FEZ2: variants seen among roughly 807,000 people sequenced by gnomAD.
The protein encoded by FEZ2 is fasciculation and elongation protein zeta 2.
In FEZ2, 51 loss-of-function variants were observed where a neutral mutation model predicts 40.4. The observed-to-expected ratio is 1.26, with a 90% CI of 1.01 to 1.59. FEZ2 has a LOEUF of 1.59. FEZ2 is among the 40% of genes most tolerant of loss of function. FEZ2 has a pLI of 0.00. For missense variants in FEZ2, 640 were observed against 438.3 expected (o/e 1.46, Z -4.11); for synonymous variants, 242 against 172.0 (o/e 1.41, Z -3.18).
At chr2:36,596,373 G>A (rs939326435) in intron 1 of FEZ2, among the ~76,000 whole-genome samples, 1 of 152,158 alleles carries the variant, frequency 6.6e-6, no homozygotes, top group Non-Finnish European at 1.5e-5. Flanking sequence ...TTCCGTGCCC[G>A]TGACTCCTGT....
chr2:36,558,203 C>A (rs976988011), intron 6 of FEZ2: 13 of 314,552 alleles, frequency 4.1e-5, no homozygotes, highest in Non-Finnish European at 7.0e-5. Context: ...AATTTTAGCT[C>A]ATAAATATTT....
chr2:36,596,403 T>C (rs1383691853), intron 1 of FEZ2, among the ~76,000 whole-genome samples: 1 of 152,206 alleles, frequency 6.6e-6, no homozygotes, highest in Non-Finnish European at 1.5e-5. Flanking sequence ...CAAAAATTCT[T>C]CCCTAACCTC....
intron 2 of FEZ2, among the ~76,000 whole-genome samples, chr2:36,587,292 C>A (rs1372568702): frequency 1.3e-5 from 2 of 152,190 alleles, no homozygotes; most frequent in African/African-American, 4.8e-5. Context: ...ATGCTAAGAG[C>A]TGGAATATCT....
chr2:36,556,152 T>C, intron 6 of FEZ2: 2 of 405,720 alleles, frequency 4.9e-6, no homozygotes, highest in South Asian at 3.9e-5. Context: ...TCAAGCAAAC[T>C]AGAGAAACTC....
intron 2 of FEZ2, chr2:36,590,642 G>A (rs1573031696): frequency 2.6e-6 from 1 of 381,134 alleles, no homozygotes; most frequent in Non-Finnish European, 4.7e-6. Flanking sequence ...GGGCAACAGA[G>A]TGAGACTCCG....
intron 5 of FEZ2, among the ~76,000 whole-genome samples, chr2:36,570,015 A>AT (rs1668363203): frequency 6.6e-6 from 1 of 152,188 alleles, no homozygotes; most frequent in African/African-American, 2.4e-5. Context: ...CTTGAATATG[A>AT]TTTTCAAACA....
chr2:36,552,607 C>T lies in FEZ2; in HGVS notation c.*556G>A, dbSNP rs11885432. The stretch of plus-strand genomic sequence containing the variant: ...AGCAAGCTACAAAATCCATCACCAC[C>T]AACAGTTTCAATGTTAGCACTAAGT... On this transcript the variant is annotated 3_prime_UTR_variant, in exon 8 of 8. Coordinates refer to ENST00000405912, the MANE Select transcript of FEZ2 (RefSeq NM_005102.3). 773 of 239,560 alleles carry T rather than the reference C, an allele frequency of 3.2e-3. 3 individuals are homozygous for T. The highest frequency in any genetic ancestry group is 4.3e-3 in the Non-Finnish European group (524 of 120,622). The allele number at this position is 239,560 out of a possible 1,614,324, so 14.8% of individuals were successfully genotyped here. A position where few individuals can be genotyped will look rare whatever the true frequency, so the allele number is the denominator to read the frequency against.
At position 36,581,297 on chromosome 2, in the gene FEZ2, A is replaced by G. The variant is rs748741967; in HGVS notation, c.627T>C (p.Tyr209=). The G allele has an allele frequency of 3.7e-6, 6 of 1,613,748 alleles. No individual in the cohort carries two copies. The highest frequency in any genetic ancestry group is 2.2e-5 in the East Asian group (1 of 44,898). The part of the protein sequence containing the change: ...QTLKRSSTGS[Y]EERVKRLSVS... ...TTCAGCAGGCTCCCTTACTCTCTTC[A>G]TAACTGCCGGTACTAGACCTCTTGA... Residue 209 remains tyrosine (Y), a synonymous_variant, in exon 4 of 8, where the codon TAT becomes TAC. Transcript: ENST00000405912.
chr2:36,560,858 C>G (rs759395676), intron 5 of FEZ2: 1 of 1,607,964 alleles, frequency 6.2e-7, no homozygotes, highest in Non-Finnish European at 8.5e-7. Flanking sequence ...CCCTTCCATG[C>G]TGAAGCGCTA....
rs114831511 is a variant in FEZ2, at chr2:36,568,808, T to C, written c.903+9789A>G. Among the ~76,000 whole-genome samples, 1,414 of 152,338 alleles carry C rather than the reference T, an allele frequency of 9.3e-3. 34 individuals carry two copies. The highest frequency in any genetic ancestry group is 0.032 in the African/African-American group (1,333 of 41,566). On this transcript the variant is annotated intron_variant, in intron 5 of 7. Coordinates refer to ENST00000405912, the MANE Select transcript of FEZ2 (RefSeq NM_005102.3). ...TACTCACCACTGCCTCGTGGTTGTT[T>C]CCTTCCCTGGCATAAGTATGTATTG... is the stretch of plus-strand genomic sequence containing the variant.
chr2:36,597,039 A>T (rs1435382531), intron 1 of FEZ2, among the ~76,000 whole-genome samples: 4 of 152,006 alleles, frequency 2.6e-5, no homozygotes, highest in Non-Finnish European at 5.9e-5. Context: ...TGTAATTATT[A>T]ATATTACTTG....
intron 5 of FEZ2, among the ~76,000 whole-genome samples, chr2:36,577,973 A>G (rs996497820): frequency 2.6e-5 from 4 of 152,248 alleles, no homozygotes; most frequent in African/African-American, 9.6e-5. Flanking sequence ...GGAATACACA[A>G]GACTTCAACA....
At chr2:36,566,956 A>ACT (rs3841897) in intron 5 of FEZ2, among the ~76,000 whole-genome samples, 6,438 of 150,432 alleles carry the variant, frequency 0.043, 561 homozygotes, top group East Asian at 0.4. Context: ...ACACACACAC[A>ACT]CTCTCTCTCT....
intron 2 of FEZ2, among the ~76,000 whole-genome samples, chr2:36,588,009 A>C (rs1452112737): frequency 6.6e-6 from 1 of 151,860 alleles, no homozygotes; most frequent in Non-Finnish European, 1.5e-5. Flanking sequence ...TCATCTGCTG[A>C]GTTTTTCCAG....
chr2:36,579,118 A>C (rs1573019617), intron 4 of FEZ2: 1 of 421,398 alleles, frequency 2.4e-6, no homozygotes, highest in African/African-American at 2.0e-5. Context: ...GTCTAACAAA[A>C]GTTTTTACTT....
chr2:36,581,402 C>T lies in FEZ2; in HGVS notation c.522G>A (p.Gln174=). The change falls in exon 4 of 8, where the codon CAG becomes CAA. Residue 174 remains glutamine, a synonymous_variant. Transcript: ENST00000405912. The part of the protein sequence containing the change: ...QVIEEIEEMM[Q]ESPDPEDDET... ...CATCATCTTCTGGGTCCGGTGATTC[C>T]TGCATCATTTCTTCAATTTCTTCAA... 1 of 1,613,474 alleles carries T rather than the reference C, an allele frequency of 6.2e-7. No homozygotes were observed. Among genetic ancestry groups the T allele is most frequent in the South Asian group, 1.1e-5 (1 of 91,056 alleles).
intron 2 of FEZ2, among the ~76,000 whole-genome samples, chr2:36,586,286 T>C (rs907814263): frequency 2.6e-5 from 4 of 152,152 alleles, no homozygotes; most frequent in African/African-American, 9.7e-5. Flanking sequence ...TTGAGGACCA[T>C]GATTTTGTTT....
chr2:36,575,939 C>T (rs1289960365), intron 5 of FEZ2, among the ~76,000 whole-genome samples: 1 of 151,914 alleles, frequency 6.6e-6, no homozygotes, highest in Non-Finnish European at 1.5e-5. Context: ...ACTTCAAGTC[C>T]TGCTAATAAA....
chr2:36,594,137 G>A (rs1371741469), intron 1 of FEZ2, among the ~76,000 whole-genome samples: 1 of 151,962 alleles, frequency 6.6e-6, no homozygotes, highest in Non-Finnish European at 1.5e-5. Flanking sequence ...ACCTCAGCCT[G>A]GATTTTATTG....
Sources: allele counts gnomAD v4.1 joint callset (sites outside exome capture counted in the v4.1 genomes callset), GRCh38; gene constraint gnomAD v4.1.1; transcripts MANE v1.5; gene names NCBI Gene and HGNC (gene_info 2026-07-23, HGNC 2026-07-21).